Variants in DPP10 observed in about 807,000 individuals in gnomAD.
DPP10 encodes inactive dipeptidyl peptidase 10.
Under a neutral mutation model 120.9 loss-of-function variants are expected in DPP10, and 33 were observed. That is an observed-to-expected ratio of 0.27 (90% CI 0.21 to 0.37). The LOEUF is 0.37. DPP10 is among the 10% of genes least tolerant of loss of function. The probability of loss-of-function intolerance (pLI) is 1.00; values close to 1 mark genes in which losing one functional copy is unlikely to be tolerated. For synonymous variants in DPP10, 337 were observed against 326.1 expected, an observed-to-expected ratio of 1.03 and a Z score of -0.36; for missense variants, 816 against 942.8, an observed-to-expected ratio of 0.87 and a Z score of 1.76.
At chr2:114,538,200 C>T (rs1379291405) in intron 1 of DPP10, among the ~76,000 whole-genome samples, 2 of 152,182 alleles carry the variant, frequency 1.3e-5, no homozygotes, top group Non-Finnish European at 2.9e-5. Context: ...TGGCCTGGTT[C>T]TTTGGACGGT....
chr2:114,495,788 A>G (rs1180996864), intron 1 of DPP10, among the ~76,000 whole-genome samples: 1 of 152,190 alleles, frequency 6.6e-6, no homozygotes, highest in African/African-American at 2.4e-5. Flanking sequence ...TTGAGTGTCT[A>G]GATAGACTAA....
chr2:115,334,230 G>GTTTTTTT lies in DPP10; in HGVS notation c.176-9577_176-9571dup. Among the ~76,000 whole-genome samples, 181 of 56,400 alleles carry GTTTTTTT rather than the reference G, an allele frequency of 3.2e-3. 31 individuals carry two copies. In the East Asian group the frequency reaches 0.036, roughly 11 times the overall value. The allele number at this position is 56,400 out of a possible 152,430, so 37.0% of individuals were successfully genotyped here. Reference sequence around the variant, plus strand: ...TCAGGAATGGACCAGAGCAGACTCTGTTTTTTTTTTTTTTTTAAGAAACCT... The same window carrying GTTTTTTT: ...TCAGGAATGGACCAGAGCAGACTCTGTTTTTTTTTTTTTTTTTTTTTTTAAGAAACCT... On this transcript the variant is annotated intron_variant, in intron 2 of 25. Coordinates refer to ENST00000410059, the MANE Select transcript of DPP10 (RefSeq NM_020868.6).
Position 115,103,226 on chromosome 2 carries a change from C to T in DPP10, c.61-206013C>T, listed in dbSNP as rs576534415. Among the ~76,000 whole-genome samples the T allele has an allele frequency of 7.7e-5, 10 of 129,812 alleles. 1 individual carries two copies. The highest frequency in any genetic ancestry group is 5.7e-4 in the Admixed American group (6 of 10,606). 85.2% of individuals were successfully genotyped at this position (129,812 alleles called of 152,430 possible). A position where few individuals can be genotyped will look rare whatever the true frequency, so the allele number is the denominator to read the frequency against. ...TTTTTGAGACGGAGTCTCACTGTGT[C>T]GCCCAGGCTGGAGTGCAGTGGCGCA... On this transcript the variant is annotated intron_variant, in intron 1 of 25. Coordinates refer to ENST00000410059, the MANE Select transcript of DPP10 (RefSeq NM_020868.6).
At chr2:115,690,982 A>T (rs2091283155) in intron 7 of DPP10, among the ~76,000 whole-genome samples, 1 of 152,198 alleles carries the variant, frequency 6.6e-6, no homozygotes, top group Non-Finnish European at 1.5e-5. Context: ...GTATTTCGTT[A>T]TAGTTTTATT....
At chr2:114,463,093 G>A (rs1679062541) in intron 1 of DPP10, among the ~76,000 whole-genome samples, 1 of 152,090 alleles carries the variant, frequency 6.6e-6, no homozygotes, top group African/African-American at 2.4e-5. Context: ...TCTTGGTGCT[G>A]GGTGTGCTGG....
chr2:114,829,676 C>T (rs1048067229), intron 1 of DPP10, among the ~76,000 whole-genome samples: 9 of 151,888 alleles, frequency 5.9e-5, no homozygotes, highest in South Asian at 2.1e-4. Flanking sequence ...CGTGCCTGGC[C>T]GGACGTTTTT....
At chr2:114,502,058 C>T (rs1218337686) in intron 1 of DPP10, among the ~76,000 whole-genome samples, 2 of 151,332 alleles carry the variant, frequency 1.3e-5, no homozygotes, top group Admixed American at 1.3e-4. Context: ...GCTTTAGCCT[C>T]CCGAGTAGCT....
intron 3 of DPP10, among the ~76,000 whole-genome samples, chr2:115,384,598 GGAGGAAGAAGA>G: frequency 7.0e-6 from 1 of 142,128 alleles, no homozygotes; most frequent in African/African-American, 2.6e-5. Flanking sequence ...AAAGGAAGAA[GGAGGAAGAAGA>G]AGTGAAGGAA....
intron 1 of DPP10, among the ~76,000 whole-genome samples, chr2:114,633,270 T>TTTTC (rs1695078272): frequency 7.6e-6 from 1 of 131,426 alleles, no homozygotes; most frequent in Admixed American, 7.4e-5. Flanking sequence ...TTTTTTTTTT[T>TTTTC]TGACAGAGTC....
At chr2:114,925,210 CAAAAAAAAAAAA>C in intron 1 of DPP10, among the ~76,000 whole-genome samples, 1 of 104,822 alleles carries the variant, frequency 9.5e-6, no homozygotes, top group East Asian at 2.7e-4. Context: ...GACTCTGTCT[CAAAAAAAAAAAA>C]AAAAAAAAAA....
At chr2:115,628,355 A>C (rs2085537927) in intron 5 of DPP10, among the ~76,000 whole-genome samples, 1 of 151,594 alleles carries the variant, frequency 6.6e-6, no homozygotes, top group African/African-American at 2.4e-5. Flanking sequence ...CCCACTTTTT[A>C]ATGGTGTTGT....
At chr2:114,452,179 A>T (rs1472030752) in intron 1 of DPP10, among the ~76,000 whole-genome samples, 1 of 152,154 alleles carries the variant, frequency 6.6e-6, no homozygotes, top group East Asian at 1.9e-4. Context: ...TTATTTCAAC[A>T]ATGCCTAGTA....
chr2:114,827,485 GC>G (rs1686662369), intron 1 of DPP10, among the ~76,000 whole-genome samples: 1 of 152,048 alleles, frequency 6.6e-6, no homozygotes, highest in African/African-American at 2.4e-5. Context: ...TCTAATTATG[GC>G]CATAAGCCAC....
At chr2:115,399,142 T>C (rs1188466666) in intron 3 of DPP10, among the ~76,000 whole-genome samples, 1 of 152,148 alleles carries the variant, frequency 6.6e-6, no homozygotes, top group East Asian at 1.9e-4. Flanking sequence ...ATTAGTACCA[T>C]CATCTTTGAT....
intron 1 of DPP10, among the ~76,000 whole-genome samples, chr2:114,999,952 C>G (rs1339680497): frequency 6.6e-6 from 1 of 152,068 alleles, no homozygotes; most frequent in African/African-American, 2.4e-5. Context: ...CCACTTTTCC[C>G]TGAGGAAATG....
intron 1 of DPP10, among the ~76,000 whole-genome samples, chr2:114,749,850 A>G (rs1164929826): frequency 6.6e-6 from 1 of 152,128 alleles, no homozygotes; most frequent in African/African-American, 2.4e-5. Flanking sequence ...ATTCCAAATT[A>G]TGTTGTAAAT....
chr2:115,296,520 C>T (rs1006391475), intron 1 of DPP10, among the ~76,000 whole-genome samples: 5 of 151,982 alleles, frequency 3.3e-5, no homozygotes, highest in Non-Finnish European at 7.4e-5. Context: ...TTTCCTCAGC[C>T]TGGGATGACT....
chr2:115,088,526 G>A (rs1041860641), intron 1 of DPP10, among the ~76,000 whole-genome samples: 6 of 151,848 alleles, frequency 4.0e-5, no homozygotes. Context: ...ATGGCTCACA[G>A]CAGCCTTGAC....
At chr2:115,320,940 A>G (rs1411413012) in intron 2 of DPP10, among the ~76,000 whole-genome samples, 1 of 152,118 alleles carries the variant, frequency 6.6e-6, no homozygotes, top group African/African-American at 2.4e-5. Context: ...TTTGTTTATC[A>G]GGGAATATCT....
Sources: gnomAD v4.1 joint callset for allele counts (sites outside exome capture counted in the v4.1 genomes callset) on GRCh38, gnomAD v4.1.1 for gene constraint, MANE v1.5 for transcripts, NCBI Gene and HGNC (gene_info 2026-07-23, HGNC 2026-07-21) for gene names.